The following STRADA variants were observed in gnomAD, a reference collection of about 807,000 sequenced individuals.
STRADA encodes the protein STE20 related adaptor alpha, also known as STE20-related kinase adapter protein alpha.
In STRADA, 26 loss-of-function variants were observed where a neutral mutation model predicts 55.0. The ratio of observed to expected loss-of-function variants is 0.47; its 90% confidence interval spans 0.35 to 0.66. The LOEUF is 0.66. Among genes scored for constraint, STRADA ranks in the 30% least tolerant of loss-of-function variants. The pLI is 0.01. For missense variants in STRADA, 443 were observed against 549.7 expected (o/e 0.81, Z 1.94); for synonymous variants, 197 against 210.9 (o/e 0.93, Z 0.57).
At chr17:63,737,932 A>G (rs1400744308) in intron 1 of STRADA, among the ~76,000 whole-genome samples, 1 of 152,024 alleles carries the variant, frequency 6.6e-6, no homozygotes, top group African/African-American at 2.4e-5. Flanking sequence ...GGCTGCAGTG[A>G]GCTGAGATTG....
chr17:63,718,946 T>C (rs4968661), intron 4 of STRADA: 106,556 of 152,182 alleles, frequency 0.7, 38,748 homozygotes, highest in African/African-American at 0.92. Flanking sequence ...CCACTAAAGT[T>C]TCTTCCATTA....
At chr17:63,728,106 T>C in intron 2 of STRADA, 1 of 490,174 alleles carries the variant, frequency 2.0e-6, no homozygotes, top group Non-Finnish European at 3.6e-6. Flanking sequence ...ACTTTCTTCT[T>C]ATTTCTTCTC....
At chr17:63,730,952 ATTCT>A (rs1347564378) in intron 1 of STRADA, among the ~76,000 whole-genome samples, 1 of 149,104 alleles carries the variant, frequency 6.7e-6, no homozygotes, top group Non-Finnish European at 1.5e-5. Context: ...CTACCCTGAT[ATTCT>A]TTTTTTTTGA....
In STRADA at chr17:63,703,729, G is replaced by A. The variant is rs2035867107; in HGVS notation, c.1166C>T (p.Ala389Val). The A allele has an allele frequency of 6.2e-7, 1 of 1,614,222 alleles. No individual in the cohort carries two copies. Among genetic ancestry groups the A allele is most frequent in the Non-Finnish European group, 8.5e-7 (1 of 1,180,022 alleles). Residue 389 changes from alanine to valine, a missense_variant, in exon 13 of 13, where the codon GCT (alanine) becomes GTT (valine). Physicochemically the swap from Ala to Val is moderately conservative, Grantham distance 64. Coordinates refer to ENST00000336174, the MANE Select transcript of STRADA (RefSeq NM_001003787.4). ...GACAGGACGAAGCAATTCGGGCAAAGCCTCTGAGGCACGTCGCTTGATCTG... is the reference window on the plus strand; with the variant it reads ...GACAGGACGAAGCAATTCGGGCAAAACCTCTGAGGCACGTCGCTTGATCTG... ...FKQIKRRASEALPELLRPVTP... is the reference protein window; with the variant it reads ...FKQIKRRASEVLPELLRPVTP...
chr17:63,711,005 G>A, intron 6 of STRADA, 169 bp from the exon 7 acceptor site: 1 of 618,696 alleles, frequency 1.6e-6, no homozygotes, highest in Non-Finnish European at 2.8e-6. Context: ...ACAAGGCCCT[G>A]CTGCCTCTGC....
chr17:63,710,308 T>C, intron 8 of STRADA, 183 bp downstream of exon 8: 2 of 986,232 alleles, frequency 2.0e-6, no homozygotes, highest in Non-Finnish European at 2.9e-6. Flanking sequence ...AGCGCTGTGA[T>C]TACAGGCGTG....
chr17:63,722,337 A>G (rs900247916), intron 4 of STRADA, among the ~76,000 whole-genome samples: 2 of 152,254 alleles, frequency 1.3e-5, no homozygotes, highest in African/African-American at 4.8e-5. Flanking sequence ...GCTACCAAAT[A>G]AACACATTCA....
chr17:63,731,660 C>T (rs986081352), intron 1 of STRADA, among the ~76,000 whole-genome samples: 3 of 152,074 alleles, frequency 2.0e-5, no homozygotes, highest in African/African-American at 7.2e-5. Flanking sequence ...TTTGAAAAAA[C>T]ATGATTAGAA....
chr17:63,710,931 C>T, intron 6 of STRADA, 95 bp from the exon 7 acceptor site: 1 of 1,143,414 alleles, frequency 8.7e-7, no homozygotes, highest in South Asian at 1.4e-5. Flanking sequence ...GGGGACCTGG[C>T]ACTTTCTGGG....
chr17:63,728,194 A>G (rs2037782505), intron 2 of STRADA, 140 bp downstream of exon 2: 2 of 711,616 alleles, frequency 2.8e-6, no homozygotes, highest in African/African-American at 1.8e-5. Context: ...TGGAGGCTGC[A>G]CTACCTGCCT....
intron 4 of STRADA, among the ~76,000 whole-genome samples, chr17:63,722,435 T>C (rs2037377486): frequency 6.6e-6 from 1 of 152,240 alleles, no homozygotes; most frequent in African/African-American, 2.4e-5. Context: ...GGCATCGTAT[T>C]CTAGAAAAAT....
rs549953638 is a variant in STRADA at position 63,706,359 on chromosome 17, GTA to G, written c.858+274_858+275del. 983 of 331,760 alleles carry G rather than the reference GTA, an allele frequency of 3.0e-3. 6 individuals are homozygous for G. Among genetic ancestry groups the G allele is most frequent in the African/African-American group, 0.018 (851 of 47,580 alleles). The allele number at this position is 331,760 out of a possible 1,614,324, so 20.6% of individuals were successfully genotyped here. On this transcript the variant is annotated intron_variant, in intron 10 of 12. Transcript: ENST00000336174. ...ATTTATAAAAACTAGTTAGCTTAAT[GTA>G]TATGTTTTAAATAGACATGTAGCGT...
At chr17:63,725,318 T>C (rs2037571756) in intron 3 of STRADA, among the ~76,000 whole-genome samples, 1 of 152,160 alleles carries the variant, frequency 6.6e-6, no homozygotes, top group African/African-American at 2.4e-5. Flanking sequence ...CTCAATCTGA[T>C]AATCTGTTTT....
chr17:63,703,553 T>G lies in STRADA; in HGVS notation c.*46A>C, dbSNP rs2035855632. On this transcript the variant is annotated 3_prime_UTR_variant, in exon 13 of 13. Transcript: ENST00000336174. ...CCGGCCCTCAGGAAGGGCCTCTGGG[T>G]GGCCTCTGCATCCCTGGCTGGAGAA... The G allele has an allele frequency of 6.4e-7, 1 of 1,567,072 alleles. No individual in the cohort carries two copies. The highest frequency in any genetic ancestry group is 1.2e-5 in the South Asian group (1 of 86,358).
chr17:63,739,764 G>GTACATATAT (rs2038732522), intron 1 of STRADA, among the ~76,000 whole-genome samples: 3 of 112,388 alleles, frequency 2.7e-5, no homozygotes, highest in Middle Eastern at 4.6e-3. Context: ...ATATATTTAT[G>GTACATATAT]TATATATGTA....
At chr17:63,734,334 GTCA>G (rs1322017033) in intron 1 of STRADA, among the ~76,000 whole-genome samples, 1 of 152,200 alleles carries the variant, frequency 6.6e-6, no homozygotes, top group Non-Finnish European at 1.5e-5. Flanking sequence ...CAGAGGAAAT[GTCA>G]TTCTGGATTA....
chr17:63,734,470 C>T (rs888400870), intron 1 of STRADA, among the ~76,000 whole-genome samples: 2 of 151,958 alleles, frequency 1.3e-5, no homozygotes, highest in African/African-American at 4.8e-5. Context: ...TGGTGAAAAC[C>T]CCATCTCTAT....
chr17:63,706,849 G>A, intron 9 of STRADA, 110 bp from the exon 10 acceptor site: 1 of 784,090 alleles, frequency 1.3e-6, no homozygotes, highest in Admixed American at 2.3e-5. Context: ...AGGACCTGCT[G>A]CTAATGACTC....
chr17:63,715,982 A>G (rs1568193418), intron 4 of STRADA, among the ~76,000 whole-genome samples: 1 of 151,968 alleles, frequency 6.6e-6, no homozygotes. Context: ...TGTAATTAGG[A>G]GTGGCTGGAA....
Sources: gnomAD v4.1 joint callset for allele counts (sites outside exome capture counted in the v4.1 genomes callset) on GRCh38, gnomAD v4.1.1 for gene constraint, MANE v1.5 for transcripts, NCBI Gene and HGNC (gene_info 2026-07-23, HGNC 2026-07-21) for gene names.